The following KAZN variants were observed in gnomAD, a reference collection of about 807,000 sequenced individuals.
The protein encoded by KAZN is kazrin, periplakin interacting protein, also known as kazrin.
Under a neutral mutation model 87.4 loss-of-function variants are expected in KAZN, and 40 were observed. That is an observed-to-expected ratio of 0.46 (90% CI 0.36 to 0.60). The LOEUF (loss-of-function observed/expected upper bound fraction) is 0.60. KAZN is among the 20% of genes least tolerant of loss of function. KAZN has a pLI of 0.00. For missense variants in KAZN, 898 were observed against 1,073.9 expected (o/e 0.84, Z 2.29); for synonymous variants, 466 against 458.3 (o/e 1.02, Z -0.22).
At chr1:14,878,483 G>A (rs1653002576) in intron 1 of KAZN, among the ~76,000 whole-genome samples, 1 of 152,040 alleles carries the variant, frequency 6.6e-6, no homozygotes, top group Non-Finnish European at 1.5e-5. Context: ...GAATTCCTCT[G>A]ATTAACTGTG....
chr1:14,878,504 C>A (rs1163102513), intron 1 of KAZN, among the ~76,000 whole-genome samples: 1 of 152,154 alleles, frequency 6.6e-6, no homozygotes, highest in African/African-American at 2.4e-5. Flanking sequence ...CTGGGCATCC[C>A]CTCTTCTGGG....
intron 2 of KAZN, among the ~76,000 whole-genome samples, chr1:14,258,812 A>G (rs919379201): frequency 6.6e-6 from 1 of 152,120 alleles, no homozygotes; most frequent in African/African-American, 2.4e-5. Flanking sequence ...GGTGACTACA[A>G]CCTCGCAGGA....
chr1:14,524,975 T>G (rs1331188526), intron 2 of KAZN, among the ~76,000 whole-genome samples: 2 of 152,240 alleles, frequency 1.3e-5, no homozygotes, highest in African/African-American at 4.8e-5. Flanking sequence ...CTTGGCTAGA[T>G]GTATTTAACA....
At chr1:15,016,926 C>T (rs36120053) in intron 2 of KAZN, among the ~76,000 whole-genome samples, 22,409 of 152,100 alleles carry the variant, frequency 0.15, 1,838 homozygotes, top group Non-Finnish European at 0.18. Flanking sequence ...TAAATAATTG[C>T]ATTTAAATAA....
chr1:14,215,243 A>T (rs1472539349), intron 2 of KAZN, among the ~76,000 whole-genome samples: 1 of 152,204 alleles, frequency 6.6e-6, no homozygotes, highest in Non-Finnish European at 1.5e-5. Flanking sequence ...GATAAGTATG[A>T]TGTAGAAGGA....
chr1:15,060,199 G>T lies in KAZN; in HGVS notation c.944G>T (p.Arg315Leu), dbSNP rs771421989. 6.2e-7 allele frequency: 1 copy of T among 1,614,204 alleles called. No homozygotes were observed. The highest frequency in any genetic ancestry group is 2.2e-5 in the East Asian group (1 of 44,878). Residue 315 changes from arginine (R) to leucine (L), a missense_variant, in exon 6 of 15, where the codon CGG becomes CTG. Arg to Leu is a moderately radical substitution (Grantham distance 102). Coordinates refer to ENST00000376030, the MANE Select transcript of KAZN (RefSeq NM_201628.3). The part of the protein sequence containing the change: ...QAVRVSPCHS[R>L]QPSVISDASA... ...GTCAGGGTGAGCCCCTGCCACTCCCGGCAGCCCTCTGTCATCTCCGACGCA... is the reference window on the plus strand; with the variant it reads ...GTCAGGGTGAGCCCCTGCCACTCCCTGCAGCCCTCTGTCATCTCCGACGCA...
At chr1:14,310,469 A>G (rs558214709) in intron 2 of KAZN, among the ~76,000 whole-genome samples, 5 of 152,294 alleles carry the variant, frequency 3.3e-5, no homozygotes, top group African/African-American at 4.8e-5. Flanking sequence ...TGCATCTAGC[A>G]TAAATCTCTC....
chr1:14,222,843 G>A (rs557634567), intron 2 of KAZN, among the ~76,000 whole-genome samples: 1 of 152,218 alleles, frequency 6.6e-6, no homozygotes, highest in South Asian at 2.1e-4. Flanking sequence ...ATATTATGAT[G>A]AATAGGTATC....
chr1:14,924,880 G>T (rs1659001054), intron 1 of KAZN, among the ~76,000 whole-genome samples: 1 of 152,174 alleles, frequency 6.6e-6, no homozygotes, highest in Non-Finnish European at 1.5e-5. Context: ...TCTGCTGGGG[G>T]AAGCGTGGGA....
chr1:14,546,148 A>AC (rs543023171), intron 2 of KAZN, among the ~76,000 whole-genome samples: 1 of 152,208 alleles, frequency 6.6e-6, no homozygotes, highest in African/African-American at 2.4e-5. Flanking sequence ...TCTCTACCCT[A>AC]CCCCAGCATA....
At position 14,101,504 on chromosome 1, in the gene KAZN, G is replaced by A. The variant is rs1644247991; in HGVS notation, c.92-78931G>A. Among the ~76,000 whole-genome samples the A allele has an allele frequency of 3.3e-5, 5 of 152,328 alleles. No individual in the cohort carries two copies. The South Asian group carries it at 1.0e-3, about 32-fold the overall frequency. On this transcript the variant is annotated intron_variant, in intron 1 of 16. Transcript: ENST00000636203. ...TCCAAAGTGCTTTGAAGGCTGGCTG[G>A]GGATGGGAGTAGGGATTGAAGGGAG...
chr1:14,452,050 C>A (rs1384995185), intron 2 of KAZN, among the ~76,000 whole-genome samples: 1 of 152,232 alleles, frequency 6.6e-6, no homozygotes, highest in East Asian at 1.9e-4. Context: ...AGCGATTCTC[C>A]TGCCTCAGCC....
intron 1 of KAZN, among the ~76,000 whole-genome samples, chr1:14,906,173 A>ATAT (rs199774777): frequency 2.0e-5 from 1 of 49,662 alleles, no homozygotes; most frequent in African/African-American, 4.3e-5. Flanking sequence ...CTCAAAAAAT[A>ATAT]TATTATAATA....
At chr1:14,007,174 G>C (rs1048668679) in intron 1 of KAZN, among the ~76,000 whole-genome samples, 1 of 152,030 alleles carries the variant, frequency 6.6e-6, no homozygotes, top group Non-Finnish European at 1.5e-5. Context: ...ATTTTTGTGG[G>C]TTGATTTTGT....
intron 1 of KAZN, among the ~76,000 whole-genome samples, chr1:13,965,077 G>T (rs1641895223): frequency 6.6e-6 from 1 of 152,142 alleles, no homozygotes; most frequent in Admixed American, 6.5e-5. Flanking sequence ...GAGAGCAGCA[G>T]GGGAGGACAG....
At position 14,626,742 on chromosome 1, in the gene KAZN, C is replaced by T. The variant is rs143305913; in HGVS notation, c.226+27519C>T. Among the ~76,000 whole-genome samples the T allele has an allele frequency of 2.2e-3, 337 of 152,322 alleles. 1 individual carries two copies. The highest frequency in any genetic ancestry group is 3.0e-3 in the Non-Finnish European group (203 of 68,032). The stretch of plus-strand genomic sequence containing the variant: ...CTCTGTGCCTGACTCTGCCTCTTTC[C>T]CTTGTCTTATTTCTTGATGTTGCCA... On this transcript the variant is annotated intron_variant, in intron 1 of 14. Transcript: ENST00000376030.
At chr1:14,145,937 G>A (rs1284404082) in intron 1 of KAZN, among the ~76,000 whole-genome samples, 2 of 152,058 alleles carry the variant, frequency 1.3e-5, no homozygotes, top group African/African-American at 2.4e-5. Context: ...TTATGACAAA[G>A]TTTACCTGAT....
intron 1 of KAZN, among the ~76,000 whole-genome samples, chr1:13,898,784 G>C (rs140749463): frequency 2.0e-4 from 31 of 152,290 alleles, no homozygotes; most frequent in African/African-American, 7.5e-4. Flanking sequence ...CTGTCAGACT[G>C]GTACCTATTA....
chr1:14,400,741 C>A (rs534734449), intron 2 of KAZN, among the ~76,000 whole-genome samples: 1 of 152,344 alleles, frequency 6.6e-6, no homozygotes, highest in East Asian at 1.9e-4. Context: ...CCGGCCCCTG[C>A]TGCATTGCCC....
Sources: allele counts gnomAD v4.1 joint callset (sites outside exome capture counted in the v4.1 genomes callset), GRCh38; gene constraint gnomAD v4.1.1; transcripts MANE v1.5; gene names NCBI Gene and HGNC (gene_info 2026-07-23, HGNC 2026-07-21).